SEMA6D: variants seen among roughly 807,000 people sequenced by gnomAD.
The protein encoded by SEMA6D is semaphorin 6D.
SEMA6D carries 35 observed loss-of-function variants against 106.6 expected under a neutral mutation model. That is an observed-to-expected ratio of 0.33 (90% CI 0.25 to 0.44). The LOEUF (loss-of-function observed/expected upper bound fraction) is 0.44. Among genes scored for constraint, SEMA6D ranks in the 20% least tolerant of loss-of-function variants. The probability of loss-of-function intolerance (pLI) is 1.00; values close to 1 mark genes in which losing one functional copy is unlikely to be tolerated. For synonymous variants in SEMA6D, 499 were observed against 487.7 expected, an observed-to-expected ratio of 1.02 and a Z score of -0.31; for missense variants, 1,185 against 1,345.9, an observed-to-expected ratio of 0.88 and a Z score of 1.87.
At chr15:47,282,717 C>T (rs1185020295) in intron 1 of SEMA6D, among the ~76,000 whole-genome samples, 1 of 152,084 alleles carries the variant, frequency 6.6e-6, no homozygotes, top group Non-Finnish European at 1.5e-5. Context: ...TAGTGTGGGG[C>T]ACTATACTGG....
At chr15:47,657,060 G>A (rs1447778555) in intron 4 of SEMA6D, among the ~76,000 whole-genome samples, 2 of 152,198 alleles carry the variant, frequency 1.3e-5, no homozygotes, top group Non-Finnish European at 2.9e-5. Flanking sequence ...ATGCTACTCT[G>A]TATAATGGGA....
At chr15:47,613,298 CATTTTCAGCACTGTTTTAATGAATATT>C (rs2076947133) in intron 4 of SEMA6D, among the ~76,000 whole-genome samples, 2 of 152,188 alleles carry the variant, frequency 1.3e-5, no homozygotes, top group African/African-American at 4.8e-5. Flanking sequence ...GTTTCCACTG[CATTTTCAGCACTGTTTTAATGAATATT>C]TCGTGCATTC....
intron 4 of SEMA6D, among the ~76,000 whole-genome samples, chr15:47,624,345 G>A (rs578166776): frequency 2.6e-5 from 4 of 152,224 alleles, no homozygotes; most frequent in Non-Finnish European, 5.9e-5. Flanking sequence ...TATTAGCCTA[G>A]GGGAATAAGA....
At chr15:47,352,201 A>G (rs2038352902) in intron 1 of SEMA6D, among the ~76,000 whole-genome samples, 1 of 148,836 alleles carries the variant, frequency 6.7e-6, no homozygotes, top group Non-Finnish European at 1.5e-5. Flanking sequence ...GAATAACATT[A>G]TCTTTTTATC....
chr15:47,462,686 C>A (rs970148486), intron 2 of SEMA6D, among the ~76,000 whole-genome samples: 20 of 151,948 alleles, frequency 1.3e-4, no homozygotes, highest in Admixed American at 7.2e-4. Flanking sequence ...TTGTTTTTTT[C>A]CTGTTTCTGT....
At chr15:47,746,378 G>A (rs979937795) in intron 1 of SEMA6D, among the ~76,000 whole-genome samples, 16 of 152,168 alleles carry the variant, frequency 1.1e-4, no homozygotes, top group African/African-American at 3.9e-4. Context: ...TCTGGGTTCT[G>A]CACTGGCTTC....
chr15:47,272,416 AAG>A (rs138427951), intron 1 of SEMA6D, among the ~76,000 whole-genome samples: 3,435 of 152,268 alleles, frequency 0.023, 127 homozygotes, highest in African/African-American at 0.078. Context: ...GATCACTCAG[AAG>A]AGTGTGCTAT....
intron 1 of SEMA6D, among the ~76,000 whole-genome samples, chr15:47,285,682 G>A (rs16959162): frequency 0.018 from 2,744 of 152,232 alleles, 52 homozygotes; most frequent in African/African-American, 0.023. Flanking sequence ...TGCAAAAAAC[G>A]TCACTTACTG....
chr15:47,765,783 A>T, intron 13 of SEMA6D, 86 bp from the exon 14 acceptor site: 1 of 1,277,806 alleles, frequency 7.8e-7, no homozygotes, highest in Non-Finnish European at 1.0e-6. Flanking sequence ...AATATTCCTT[A>T]TGATTTCCCA....
At chr15:47,291,748 AG>A in intron 1 of SEMA6D, among the ~76,000 whole-genome samples, 1 of 152,216 alleles carries the variant, frequency 6.6e-6, no homozygotes, top group Non-Finnish European at 1.5e-5. Context: ...TATTACAGAA[AG>A]TTATTTTTAT....
Position 47,188,988 on chromosome 15 carries a change from T to C in SEMA6D, c.-239+4570T>C, listed in dbSNP as rs1259195769. ...CCTGACTTTAATGACATTCAGTTTCTAGAAAAACACTATTATAGCACCAAT... is the reference window on the plus strand; with the variant it reads ...CCTGACTTTAATGACATTCAGTTTCCAGAAAAACACTATTATAGCACCAAT... On this transcript the variant is annotated intron_variant, in intron 1 of 19. Transcript: ENST00000558014. 4.6e-5 allele frequency among the ~76,000 whole-genome samples: 7 copies of C among 152,202 alleles called. 1 individual carries two copies. The highest frequency in any genetic ancestry group is 4.6e-4 in the Admixed American group (7 of 15,268).
At chr15:47,367,171 A>C (rs930798619) in intron 1 of SEMA6D, among the ~76,000 whole-genome samples, 1 of 152,196 alleles carries the variant, frequency 6.6e-6, no homozygotes, top group Non-Finnish European at 1.5e-5. Context: ...TCTGCTACTT[A>C]GTAATTGCAC....
intron 2 of SEMA6D, among the ~76,000 whole-genome samples, chr15:47,423,011 C>T (rs1893083965): frequency 6.6e-6 from 1 of 152,006 alleles, no homozygotes. Flanking sequence ...CTAAAACAAC[C>T]TTTAACAAAG....
At chr15:47,274,533 G>T (rs755798676) in intron 1 of SEMA6D, among the ~76,000 whole-genome samples, 1 of 152,066 alleles carries the variant, frequency 6.6e-6, no homozygotes, top group East Asian at 1.9e-4. Context: ...TAGAGAAATC[G>T]AAATAAAAGC....
chr15:47,598,877 A>C (rs969544799), intron 3 of SEMA6D, among the ~76,000 whole-genome samples: 4 of 151,940 alleles, frequency 2.6e-5, no homozygotes, highest in African/African-American at 9.7e-5. Context: ...AGTTTTCTCA[A>C]ATTTAAATAT....
chr15:47,731,307 C>A (rs1342190141), intron 1 of SEMA6D, among the ~76,000 whole-genome samples: 1 of 142,572 alleles, frequency 7.0e-6, no homozygotes, highest in African/African-American at 2.4e-5. Flanking sequence ...CCCCAAAGAG[C>A]CACTGCCCCC....
chr15:47,565,675 G>A (rs1440494900), intron 3 of SEMA6D, among the ~76,000 whole-genome samples: 1 of 152,172 alleles, frequency 6.6e-6, no homozygotes, highest in Non-Finnish European at 1.5e-5. Flanking sequence ...TTCTGGGGTG[G>A]GGAGGAATTA....
intron 3 of SEMA6D, among the ~76,000 whole-genome samples, chr15:47,592,852 TAAC>T (rs957039578): frequency 2.6e-5 from 4 of 152,232 alleles, no homozygotes; most frequent in African/African-American, 9.6e-5. Context: ...TTATGAAAAG[TAAC>T]AATGTTGGCA....
chr15:47,629,228 G>A (rs1456086521), intron 4 of SEMA6D, among the ~76,000 whole-genome samples: 1 of 151,882 alleles, frequency 6.6e-6, no homozygotes, highest in African/African-American at 2.4e-5. Flanking sequence ...ACCTTATTAT[G>A]CTTTTTCAGT....
Sources: gnomAD v4.1 joint callset for allele counts (sites outside exome capture counted in the v4.1 genomes callset) on GRCh38, gnomAD v4.1.1 for gene constraint, MANE v1.5 for transcripts, NCBI Gene and HGNC (gene_info 2026-07-23, HGNC 2026-07-21) for gene names.